Variants in CEP128 observed in about 807,000 individuals in gnomAD.
CEP128 encodes centrosomal protein 128.
In CEP128, 132 loss-of-function variants were observed where a neutral mutation model predicts 156.7. The observed-to-expected ratio is 0.84, with a 90% CI of 0.73 to 0.97. CEP128 has a LOEUF of 0.97. Among genes scored for constraint, CEP128 ranks in the 50% least tolerant of loss-of-function variants. The pLI is 0.00. For missense variants in CEP128, 1,252 were observed against 1,281.9 expected (o/e 0.98, Z 0.36); for synonymous variants, 469 against 448.9 (o/e 1.04, Z -0.57).
intron 19 of CEP128, among the ~76,000 whole-genome samples, chr14:80,664,966 G>A (rs1355242038): frequency 2.0e-5 from 3 of 152,142 alleles, no homozygotes; most frequent in African/African-American, 7.2e-5. Flanking sequence ...ATCATATCCT[G>A]CCACAACAGG....
At chr14:80,757,655 A>G (rs1045547736) in intron 17 of CEP128, among the ~76,000 whole-genome samples, 1 of 152,242 alleles carries the variant, frequency 6.6e-6, no homozygotes, top group African/African-American at 2.4e-5. Context: ...TGTGCTACAA[A>G]TAATATTTTT....
downstream of CEP128, among the ~76,000 whole-genome samples, chr14:80,490,129 C>T (rs1456441292): frequency 2.6e-5 from 4 of 151,838 alleles, no homozygotes; most frequent in Non-Finnish European, 5.9e-5. Context: ...AGGGGGGTAC[C>T]ACTGTAAGAT....
At chr14:80,653,231 G>A (rs900241806) in intron 19 of CEP128, among the ~76,000 whole-genome samples, 2 of 152,104 alleles carry the variant, frequency 1.3e-5, no homozygotes, top group Admixed American at 1.3e-4. Context: ...AATACCTAAT[G>A]TAGATGACGG....
At chr14:80,650,520 T>G (rs1401462759) in intron 19 of CEP128, among the ~76,000 whole-genome samples, 1 of 152,136 alleles carries the variant, frequency 6.6e-6, no homozygotes, top group Non-Finnish European at 1.5e-5. Context: ...ATGCTTCCAG[T>G]TTTTGCCCAT....
At chr14:80,559,868 T>C (rs761220492) in intron 20 of CEP128, among the ~76,000 whole-genome samples, 1 of 152,206 alleles carries the variant, frequency 6.6e-6, no homozygotes, top group Non-Finnish European at 1.5e-5. Flanking sequence ...GTCTACAGCA[T>C]CTTAGAATGT....
At chr14:80,550,304 G>C (rs1890159402) in intron 21 of CEP128, among the ~76,000 whole-genome samples, 1 of 152,012 alleles carries the variant, frequency 6.6e-6, no homozygotes, top group Admixed American at 6.6e-5. Flanking sequence ...CTAAGTCAAT[G>C]GTTTTCAAAA....
At chr14:80,599,265 C>CTTTTT (rs375136337) in intron 19 of CEP128, among the ~76,000 whole-genome samples, 123 of 85,412 alleles carry the variant, frequency 1.4e-3, no homozygotes, top group Non-Finnish European at 1.9e-3. Context: ...CAGTCATATT[C>CTTTTT]TTTTTTTTTT....
intron 3 of CEP128, among the ~76,000 whole-genome samples, chr14:80,914,672 C>T (rs1884443328): frequency 6.6e-6 from 1 of 152,146 alleles, no homozygotes. Flanking sequence ...AAGTCAGCAA[C>T]AAAACCATAA....
intron 13 of CEP128, among the ~76,000 whole-genome samples, chr14:80,824,997 A>G (rs1885392493): frequency 6.6e-6 from 1 of 152,228 alleles, no homozygotes; most frequent in African/African-American, 2.4e-5. Context: ...CTTCAGAGTC[A>G]TCGCGGAAGG....
chr14:80,712,438 A>C (rs1897446822), intron 19 of CEP128, among the ~76,000 whole-genome samples: 1 of 152,152 alleles, frequency 6.6e-6, no homozygotes, highest in Non-Finnish European at 1.5e-5. Context: ...ACTCCCTCAG[A>C]AAACTACACT....
At chr14:80,541,358 T>C (rs1889747673) in intron 21 of CEP128, among the ~76,000 whole-genome samples, 1 of 151,064 alleles carries the variant, frequency 6.6e-6, no homozygotes, top group African/African-American at 2.4e-5. Context: ...TATGGGGTTC[T>C]TGGAGTTAAT....
At chr14:80,641,186 C>T (rs73330548) in intron 19 of CEP128, among the ~76,000 whole-genome samples, 1 of 152,310 alleles carries the variant, frequency 6.6e-6, no homozygotes, top group African/African-American at 2.4e-5. Flanking sequence ...CATTAACCAT[C>T]TTCATATCTC....
At chr14:80,575,188 A>G (rs1331137954) in intron 20 of CEP128, among the ~76,000 whole-genome samples, 1 of 150,990 alleles carries the variant, frequency 6.6e-6, no homozygotes, top group Non-Finnish European at 1.5e-5. Context: ...AAATCTGTAA[A>G]CCCACTGTTA....
chr14:80,570,021 C>T (rs919919093), intron 20 of CEP128, among the ~76,000 whole-genome samples: 4 of 152,040 alleles, frequency 2.6e-5, no homozygotes, highest in Admixed American at 2.0e-4. Flanking sequence ...TGGCTATTAA[C>T]GAAAACATCC....
chr14:80,866,504 A>G (rs1887775273), intron 8 of CEP128, among the ~76,000 whole-genome samples: 1 of 152,168 alleles, frequency 6.6e-6, no homozygotes, highest in Non-Finnish European at 1.5e-5. Context: ...TGGGACCCAG[A>G]TACCAGCTCA....
intron 2 of CEP128, among the ~76,000 whole-genome samples, chr14:80,919,563 T>C (rs1884738725): frequency 6.6e-6 from 1 of 152,190 alleles, no homozygotes; most frequent in Admixed American, 6.5e-5. Context: ...GCTATGTTTT[T>C]ATACTGTTCC....
chr14:80,729,139 T>G (rs565143961), intron 19 of CEP128, among the ~76,000 whole-genome samples: 2 of 128,568 alleles, frequency 1.6e-5, no homozygotes, highest in East Asian at 5.9e-4. Flanking sequence ...TTACCCAGTG[T>G]TTAGTCTTTT....
intron 9 of CEP128, among the ~76,000 whole-genome samples, chr14:80,852,830 T>A (rs1295803261): frequency 6.6e-6 from 1 of 151,884 alleles, no homozygotes; most frequent in African/African-American, 2.4e-5. Context: ...AATGTAACCA[T>A]GCTTCTAAAA....
At chr14:80,814,131 C>CA (rs1247573653) in intron 13 of CEP128, among the ~76,000 whole-genome samples, 1 of 152,162 alleles carries the variant, frequency 6.6e-6, no homozygotes, top group Admixed American at 6.5e-5. Flanking sequence ...ACTAATTTCA[C>CA]AAAAATATAT....
Sources: allele counts gnomAD v4.1 joint callset (sites outside exome capture counted in the v4.1 genomes callset), GRCh38; gene constraint gnomAD v4.1.1; transcripts MANE v1.5; gene names NCBI Gene and HGNC (gene_info 2026-07-23, HGNC 2026-07-21).